Variants in MYBPC3 observed in about 807,000 individuals in gnomAD.
The protein encoded by MYBPC3 is myosin-binding protein C, cardiac-type.
Under a neutral mutation model 159.3 loss-of-function variants are expected in MYBPC3, and 108 were observed. That is an observed-to-expected ratio of 0.68 (90% CI 0.58 to 0.80). The LOEUF (loss-of-function observed/expected upper bound fraction) is 0.80. Ranked by LOEUF, MYBPC3 falls within the 30% of genes least tolerant of loss-of-function variation. MYBPC3 has a pLI of 0.00. For missense variants in MYBPC3, 1,631 were observed against 1,762.1 expected (o/e 0.93, Z 1.33); for synonymous variants, 730 against 702.0 (o/e 1.04, Z -0.63).
Position 47,339,394 on chromosome 11 carries a change from G to A in MYBPC3, c.2078C>T (p.Ala693Val), listed in dbSNP as rs896073779. Residue 693 changes from alanine (A) to valine (V), a missense_variant, in exon 22 of 35, where the codon GCC (alanine) becomes GTC (valine). Transcript: ENST00000545968. ...GGCATCTGGGGCTGGCCTGGCTGGGGCCTTATTCCCCTGGGAACAGGGCAG... is the reference window on the plus strand; with the variant it reads ...GGCATCTGGGGCTGGCCTGGCTGGGACCTTATTCCCCTGGGAACAGGGCAG... ...WQKAITQGNK[A>V]PARPAPDAPE... 2 of 1,613,894 alleles carry A rather than the reference G, an allele frequency of 1.2e-6. No individual in the cohort carries two copies. The highest frequency in any genetic ancestry group is 2.2e-5 in the South Asian group (2 of 91,084).
At chr11:47,342,254 G>T in intron 17 of MYBPC3, 98 bp from the exon 18 acceptor site, 1 of 1,412,156 alleles carries the variant, frequency 7.1e-7, no homozygotes, top group Non-Finnish European at 9.6e-7. Context: ...TGGTGCGCAC[G>T]TGTCTGGGTG....
chr11:47,332,919 G>A lies in MYBPC3; in HGVS notation c.3385C>T (p.Leu1129Phe). ...AAGTAGTAGCCATTGCCAATGATGA[G>A]CTCTGGCACCACGCAGTGGGTGCGG... ...YRRTHCVVPE[L>F]IIGNGYYFRV... is the part of the protein sequence containing the mutation. Residue 1129 changes from leucine (L) to phenylalanine (F), a missense_variant, in exon 31 of 35, where the codon CTC (leucine) becomes TTC (phenylalanine). By Grantham distance (22) the Leu-to-Phe change is conservative. Coordinates refer to ENST00000545968, the MANE Select transcript of MYBPC3 (RefSeq NM_000256.3). This position sits in a 1 kb window ranked among gnomAD's most constrained non-coding sequence, Gnocchi z 4.2. The A allele has an allele frequency of 6.2e-7, 1 of 1,610,240 alleles. No homozygotes were observed. Among genetic ancestry groups the A allele is most frequent in the Non-Finnish European group, 8.5e-7 (1 of 1,178,454 alleles).
At chr11:47,336,169 A>G (rs1013661252) in intron 25 of MYBPC3, among the ~76,000 whole-genome samples, 158 bp from the exon 26 acceptor site, 1 of 152,150 alleles carries the variant, frequency 6.6e-6, no homozygotes, top group African/African-American at 2.4e-5. Flanking sequence ...GTTACAAGAC[A>G]TGTCTGTAGA....
intron 34 of MYBPC3, 46 bp from the exon 35 acceptor site, chr11:47,331,762 C>T: frequency 7.2e-7 from 1 of 1,395,682 alleles, no homozygotes; most frequent in Non-Finnish European, 9.8e-7. Flanking sequence ...CCCCTACAGC[C>T]TCCCATTTAC....
intron 12 of MYBPC3, among the ~76,000 whole-genome samples, chr11:47,343,872 T>C (rs2095891798): frequency 6.6e-6 from 1 of 152,258 alleles, no homozygotes. Flanking sequence ...CACTGCAACC[T>C]CTGCCTCCCA....
intron 6 of MYBPC3, 126 bp from the exon 7 acceptor site, chr11:47,348,031 T>C (rs1382466708): frequency 2.1e-6 from 2 of 941,596 alleles, no homozygotes; most frequent in Non-Finnish European, 3.3e-6. Flanking sequence ...AGGCTGGGCA[T>C]CTGCCCCAGG....
rs1565625095 is a variant in MYBPC3, at chr11:47,337,371, A to C, written c.2602+20T>G. ...AACTGGGGAGGGGGCGGGGGGCAGG[A>C]CCAGGCCAGGCAGGCTCACCGATAG... On this transcript the variant is annotated intron_variant, in intron 25 of 34. Transcript: ENST00000545968. The C allele has an allele frequency of 1.3e-6, 2 of 1,558,552 alleles. No individual in the cohort carries two copies. Among genetic ancestry groups the C allele is most frequent in the South Asian group, 2.4e-5 (2 of 84,710 alleles).
chr11:47,339,219 G>T, intron 22 of MYBPC3, 105 bp downstream of exon 22: 1 of 1,250,004 alleles, frequency 8.0e-7, no homozygotes, highest in Non-Finnish European at 1.2e-6. Flanking sequence ...AACACACCCG[G>T]CCAAGTGTGG....
At position 47,350,532 on chromosome 11, in the gene MYBPC3, C is replaced by T; in HGVS notation, c.376G>A (p.Glu126Lys). Residue 126 changes from glutamate (E) to lysine (K), a missense_variant, in exon 3 of 35, where the codon GAG (glutamate) becomes AAG (lysine). Physicochemically the swap from Glu to Lys is moderately conservative, Grantham distance 56. Transcript: ENST00000545968. ...APGEAPAPAA[E>K]LGESAPSPKG... ...GGACTTGGGGCACTTTCTCCCAGCT[C>T]AGCGGCTGGGGCCGGGGCTTCTCCA... The T allele has an allele frequency of 1.3e-6, 2 of 1,558,454 alleles. No homozygotes were observed. Among genetic ancestry groups the T allele is most frequent in the Non-Finnish European group, 1.7e-6 (2 of 1,157,212 alleles).
rs2095890782 is a variant in MYBPC3, at chr11:47,343,130, G to A, written c.1242C>T (p.Ser414=). 1 of 1,611,650 alleles carries A rather than the reference G, an allele frequency of 6.2e-7. No individual in the cohort carries two copies. The change falls in exon 15 of 35, where the codon TCC becomes TCT. Residue 414 remains serine (S), a synonymous_variant. Coordinates refer to ENST00000545968, the MANE Select transcript of MYBPC3 (RefSeq NM_000256.3). The part of the protein sequence containing the change: ...QMSGSKYIFE[S]IGAKRTLTIS... ...TGGTCAGGGTACGCTTGGCACCGAT[G>A]GACTCAAAGATGTACCTGGGTGGGG...
Position 47,343,108 on chromosome 11 carries a change from T to G in MYBPC3, c.1264A>C (p.Thr422Pro), listed in dbSNP as rs727503206. The stretch of plus-strand genomic sequence containing the variant: ...TCCGCCAATGAGCACTGGCTGATGG[T>G]CAGGGTACGCTTGGCACCGATGGAC... ...FESIGAKRTLTISQCSLADDA... is the reference protein window; with the variant it reads ...FESIGAKRTLPISQCSLADDA... Residue 422 changes from threonine to proline, a missense_variant, in exon 15 of 35, where the codon ACC (threonine) becomes CCC (proline). Thr to Pro is a conservative substitution (Grantham distance 38). Transcript: ENST00000545968. The G allele has an allele frequency of 6.2e-7, 1 of 1,612,008 alleles. No homozygotes were observed. The highest frequency in any genetic ancestry group is 8.5e-7 in the Non-Finnish European group (1 of 1,179,168).
At chr11:47,345,306 G>A (rs917381240) in intron 12 of MYBPC3, among the ~76,000 whole-genome samples, 15 of 152,198 alleles carry the variant, frequency 9.9e-5, no homozygotes, top group African/African-American at 3.6e-4. Context: ...TGCCGGTAAG[G>A]GCCAGGCCAC....
In MYBPC3 at chr11:47,351,301, C is replaced by A. The variant is rs730880580; in HGVS notation, c.230G>T (p.Gly77Val). The change falls in exon 2 of 35, where the codon GGA (glycine) becomes GTA (valine). Residue 77 changes from glycine to valine, a missense_variant. Physicochemically the swap from Gly to Val is moderately radical, Grantham distance 109. Transcript: ENST00000545968. This position sits in a 1 kb window ranked among gnomAD's most constrained non-coding sequence, Gnocchi z 4.2. Reference sequence around the variant, plus strand: ...GGAGCCAGCAATGACTGCGTAAGATCCCTGGTCGGCAGGGCCCACTTCCCG... The same window carrying A: ...GGAGCCAGCAATGACTGCGTAAGATACCTGGTCGGCAGGGCCCACTTCCCG... ...TVREVGPADQ[G>V]SYAVIAGSSK... 6.4e-7 allele frequency: 1 copy of A among 1,574,256 alleles called. No homozygotes were observed. The highest frequency in any genetic ancestry group is 1.4e-5 in the African/African-American group (1 of 73,870).
At position 47,347,641 on chromosome 11, in the gene MYBPC3, G is replaced by T. The variant is rs1192990641; in HGVS notation, c.851+10C>A. ...GCGGATGGTGCAGGTAGGGCCTGGG[G>T]CAGGGGTACCTGATCCGCCGACCAC... is the stretch of plus-strand genomic sequence containing the variant. On this transcript the variant is annotated intron_variant, in intron 8 of 34. Transcript: ENST00000545968. 1.9e-6 allele frequency: 3 copies of T among 1,574,006 alleles called. No homozygotes were observed. The African/African-American group carries it at 4.0e-5, about 21-fold the overall frequency.
chr11:47,340,624 G>A (rs558932998), intron 20 of MYBPC3, among the ~76,000 whole-genome samples: 25 of 152,214 alleles, frequency 1.6e-4, no homozygotes, highest in African/African-American at 3.9e-4. Context: ...CCGAGATCGC[G>A]CCACTTCTCT....
In MYBPC3 at chr11:47,342,028, C is replaced by A; in HGVS notation, c.1753G>T (p.Val585Leu). 1 of 1,598,400 alleles carries A rather than the reference C, an allele frequency of 6.3e-7. No individual in the cohort carries two copies. The highest frequency in any genetic ancestry group is 1.1e-5 in the South Asian group (1 of 88,806). Residue 585 changes from valine (V) to leucine (L), a missense_variant, in exon 18 of 35, where the codon GTG becomes TTG. Coordinates refer to ENST00000545968, the MANE Select transcript of MYBPC3 (RefSeq NM_000256.3). ...GVWLKNGKEL[V>L]PDSRIKVSHI... ...GACACCTTTATGCGGCTGTCGGGCA[C>A]CAGCTCCTTCCCATTCTTCAGCCAC... is the stretch of plus-strand genomic sequence containing the variant.
chr11:47,348,195 T>A (rs1362768751), intron 6 of MYBPC3, among the ~76,000 whole-genome samples: 1 of 152,042 alleles, frequency 6.6e-6, no homozygotes, highest in East Asian at 1.9e-4. Flanking sequence ...GACACCAAGA[T>A]GATAAAACAG....
Position 47,343,542 on chromosome 11 carries a change from G to A in MYBPC3, c.1173C>T (p.Asp391=), listed in dbSNP as rs377328238. 42 of 1,610,726 alleles carry A rather than the reference G, an allele frequency of 2.6e-5. No individual in the cohort carries two copies. The highest frequency in any genetic ancestry group is 5.4e-5 in the African/African-American group (4 of 74,704). Residue 391 remains aspartate (D), a synonymous_variant, in exon 13 of 35, where the codon GAC becomes GAT. Transcript: ENST00000545968. ...CATTCTTGAGCCATTTGACCTCAGCGTCATGGTCAGCCAGTTCCACGGTCA... is the reference window on the plus strand; with the variant it reads ...CATTCTTGAGCCATTTGACCTCAGCATCATGGTCAGCCAGTTCCACGGTCA... ...IRLTVELADH[D]AEVKWLKNGQ...
chr11:47,341,159 ACAGGT>A lies in MYBPC3; in HGVS notation c.1871_1875del (p.Asn624IlefsTer12). 6.3e-7 allele frequency: 1 copy of A among 1,591,982 alleles called. No individual in the cohort carries two copies. The highest frequency in any genetic ancestry group is 8.6e-7 in the Non-Finnish European group (1 of 1,169,090). On this transcript the variant is annotated frameshift_variant, in exon 19 of 35. Transcript: ENST00000545968. LOFTEE classifies it high-confidence loss of function. ...TCACCCATGAAGTGGAGCTTGGCTGACAGGTTGCAGGCGAAGCCCTCGGGCACAAA... is the reference window on the plus strand; with the variant it reads ...TCACCCATGAAGTGGAGCTTGGCTGATGCAGGCGAAGCCCTCGGGCACAAA...
Sources: gnomAD v4.1 joint callset for allele counts (sites outside exome capture counted in the v4.1 genomes callset) on GRCh38, gnomAD v4.1.1 for gene constraint, Gnocchi (gnomAD v3.1) non-coding constraint, MANE v1.5 for transcripts, NCBI Gene and HGNC (gene_info 2026-07-23, HGNC 2026-07-21) for gene names.